CTIF: variants seen among roughly 807,000 people sequenced by gnomAD.
CTIF encodes cap binding complex dependent translation initiation factor, also known as CBP80/20-dependent translation initiation factor.
In CTIF, 21 loss-of-function variants were observed where a neutral mutation model predicts 66.0. The ratio of observed to expected loss-of-function variants is 0.32; its 90% CI spans 0.23 to 0.46. CTIF has a LOEUF of 0.46. Among genes scored for constraint, CTIF ranks in the 20% least tolerant of loss-of-function variants. The pLI, the probability that CTIF is intolerant of heterozygous loss-of-function variation, is 1.00. For synonymous variants in CTIF, 345 were observed against 326.4 expected (o/e 1.06, Z -0.62); for missense variants, 739 against 812.7 (o/e 0.91, Z 1.10).
intron 1 of CTIF, among the ~76,000 whole-genome samples, chr18:48,617,823 T>G (rs1312584411): frequency 6.6e-6 from 1 of 151,622 alleles, no homozygotes; most frequent in Non-Finnish European, 1.5e-5. Flanking sequence ...GATTCCTCCC[T>G]CTAGGATGGG....
At chr18:48,689,150 G>A (rs1041775798) in intron 6 of CTIF, among the ~76,000 whole-genome samples, 2 of 152,246 alleles carry the variant, frequency 1.3e-5, no homozygotes, top group African/African-American at 2.4e-5. Context: ...CGCACTGGCA[G>A]TTGTACCCTG....
intron 1 of CTIF, among the ~76,000 whole-genome samples, chr18:48,543,790 G>GA (rs933478504): frequency 1.1e-4 from 17 of 152,120 alleles, no homozygotes. Flanking sequence ...ATGCTTTCTG[G>GA]AAAAAAGTTA....
At chr18:48,543,325 A>G (rs1209290234) in intron 1 of CTIF, among the ~76,000 whole-genome samples, 1 of 152,146 alleles carries the variant, frequency 6.6e-6, no homozygotes, top group Non-Finnish European at 1.5e-5. Flanking sequence ...TGCATAACTT[A>G]CCTGATAACA....
chr18:48,572,957 T>C (rs1451505472), intron 1 of CTIF, among the ~76,000 whole-genome samples: 1 of 151,972 alleles, frequency 6.6e-6, no homozygotes, highest in Non-Finnish European at 1.5e-5. Context: ...CATACCACTG[T>C]ACTCCAGCCT....
chr18:48,640,732 C>G (rs1383451232), intron 3 of CTIF, among the ~76,000 whole-genome samples: 1 of 152,232 alleles, frequency 6.6e-6, no homozygotes, highest in African/African-American at 2.4e-5. Context: ...ATGCCCTGCA[C>G]CAGGGCCCAG....
intron 1 of CTIF, among the ~76,000 whole-genome samples, chr18:48,569,488 A>C (rs547068570): frequency 3.3e-5 from 5 of 152,254 alleles, no homozygotes; most frequent in South Asian, 2.1e-4. Context: ...CAAAAAAAAA[A>C]CTTGGGTTTC....
chr18:48,581,857 A>G (rs1376287319), intron 1 of CTIF, among the ~76,000 whole-genome samples: 1 of 152,092 alleles, frequency 6.6e-6, no homozygotes, highest in East Asian at 1.9e-4. Context: ...AAGTGTGATT[A>G]AGTGGCAAAG....
At chr18:48,633,441 G>A (rs1465226053) in intron 2 of CTIF, among the ~76,000 whole-genome samples, 1 of 88,578 alleles carries the variant, frequency 1.1e-5, no homozygotes, top group African/African-American at 2.7e-5. Flanking sequence ...GGTGGCTTAT[G>A]CCTGTATCCC....
At chr18:48,586,447 C>A (rs1188729859) in intron 1 of CTIF, among the ~76,000 whole-genome samples, 2 of 151,656 alleles carry the variant, frequency 1.3e-5, no homozygotes, top group African/African-American at 4.8e-5. Flanking sequence ...ATTTTCATAT[C>A]TTTAGTAGAG....
chr18:48,772,766 G>A (rs1326641878), intron 9 of CTIF, among the ~76,000 whole-genome samples: 1 of 152,014 alleles, frequency 6.6e-6, no homozygotes, highest in Non-Finnish European at 1.5e-5. Context: ...TCCACCTTTT[G>A]ACTATTGTGA....
intron 1 of CTIF, among the ~76,000 whole-genome samples, chr18:48,541,421 C>T (rs947581674): frequency 1.3e-5 from 2 of 152,206 alleles, no homozygotes; most frequent in African/African-American, 4.8e-5. Context: ...AGGAAGGAGC[C>T]GCCCAGAGCG....
At chr18:48,855,281 G>C (rs996371721) in intron 10 of CTIF, among the ~76,000 whole-genome samples, 4 of 152,322 alleles carry the variant, frequency 2.6e-5, no homozygotes, top group Non-Finnish European at 4.4e-5. Context: ...GGTTATGGAA[G>C]TTGTAGGAAG....
chr18:48,684,724 C>T (rs1422969653), intron 6 of CTIF, among the ~76,000 whole-genome samples: 2 of 152,188 alleles, frequency 1.3e-5, no homozygotes, highest in Non-Finnish European at 2.9e-5. Flanking sequence ...ATAGCCTTCA[C>T]CCAGATTCCC....
chr18:48,755,839 T>A (rs1461363763), intron 7 of CTIF: 1 of 152,176 alleles, frequency 6.6e-6, no homozygotes, highest in East Asian at 1.9e-4. Flanking sequence ...TTGAAATAAA[T>A]ATAGACAACC....
chr18:48,664,862 C>G (rs1327208734), intron 5 of CTIF, among the ~76,000 whole-genome samples: 1 of 152,050 alleles, frequency 6.6e-6, no homozygotes, highest in Non-Finnish European at 1.5e-5. Flanking sequence ...AGGCCCACCC[C>G]AGAGTCTGTG....
intron 6 of CTIF, among the ~76,000 whole-genome samples, chr18:48,680,987 T>C (rs989134693): frequency 3.9e-5 from 6 of 152,332 alleles, no homozygotes; most frequent in Admixed American, 1.3e-4. Flanking sequence ...CTACGTGCTC[T>C]CCAGCAGGCA....
intron 9 of CTIF, among the ~76,000 whole-genome samples, chr18:48,795,527 A>T (rs1365589367): frequency 6.6e-6 from 1 of 152,210 alleles, no homozygotes; most frequent in Non-Finnish European, 1.5e-5. Context: ...CCATTGGGGA[A>T]AAAAGTCACT....
chr18:48,763,776 C>G (rs946381741), intron 9 of CTIF, among the ~76,000 whole-genome samples: 1 of 152,098 alleles, frequency 6.6e-6, no homozygotes, highest in Non-Finnish European at 1.5e-5. Flanking sequence ...GCCGGGGTCT[C>G]GGGCAGGGGC....
intron 7 of CTIF, among the ~76,000 whole-genome samples, chr18:48,734,347 C>G (rs538559323): frequency 2.0e-5 from 3 of 152,338 alleles, no homozygotes; most frequent in South Asian, 4.1e-4. Context: ...AGGTGGATCA[C>G]TTGAGGCCAG....
Sources: gnomAD v4.1 joint callset for allele counts (sites outside exome capture counted in the v4.1 genomes callset) on GRCh38, gnomAD v4.1.1 for gene constraint, MANE v1.5 for transcripts, NCBI Gene and HGNC (gene_info 2026-07-23, HGNC 2026-07-21) for gene names.